Variants in CDK14 observed in about 807,000 individuals in gnomAD.
CDK14 encodes the protein cyclin dependent kinase 14.
A neutral mutation model predicts 60.7 loss-of-function variants in CDK14; 34 were observed. That is an observed-to-expected ratio of 0.56 (90% CI 0.43 to 0.75). The LOEUF (loss-of-function observed/expected upper bound fraction) is 0.75. Ranked by LOEUF, CDK14 falls within the 30% of genes least tolerant of loss-of-function variation. The pLI is 0.00. For missense variants in CDK14, 482 were observed against 564.1 expected (o/e 0.85, Z 1.47); for synonymous variants, 197 against 203.7 (o/e 0.97, Z 0.28).
intron 14 of CDK14, among the ~76,000 whole-genome samples, chr7:91,125,887 A>G (rs896664062): frequency 6.6e-6 from 1 of 152,164 alleles, no homozygotes; most frequent in Non-Finnish European, 1.5e-5. Flanking sequence ...ATCATTTTCA[A>G]TGCAATTAGT....
chr7:91,182,646 T>C (rs1562985856), intron 14 of CDK14, among the ~76,000 whole-genome samples: 3 of 152,098 alleles, frequency 2.0e-5, no homozygotes, highest in Non-Finnish European at 4.4e-5. Flanking sequence ...ATTTATGAAC[T>C]CCCCTCTCTT....
At chr7:91,095,206 G>A (rs1014538647) in intron 12 of CDK14, among the ~76,000 whole-genome samples, 9 of 152,242 alleles carry the variant, frequency 5.9e-5, no homozygotes, top group Non-Finnish European at 1.0e-4. Context: ...GCATATGAAA[G>A]CTGGGATTTT....
chr7:90,695,928 T>C (rs1335251552), intron 2 of CDK14, among the ~76,000 whole-genome samples: 2 of 152,106 alleles, frequency 1.3e-5, no homozygotes, highest in Non-Finnish European at 2.9e-5. Flanking sequence ...TCAGAAGCTC[T>C]TTGAGCTTTT....
At chr7:90,608,542 C>T in intron 2 of CDK14, 4 of 984,692 alleles carry the variant, frequency 4.1e-6, no homozygotes, top group Non-Finnish European at 4.8e-6. Flanking sequence ...TTGATGATTG[C>T]CAGAACAAAG....
chr7:91,131,879 C>A (rs1381778257), intron 14 of CDK14, among the ~76,000 whole-genome samples: 2 of 152,082 alleles, frequency 1.3e-5, no homozygotes, highest in Non-Finnish European at 2.9e-5. Context: ...CATTATATTT[C>A]CCATCTCCTC....
At chr7:91,086,935 CG>C (rs1562898566) in intron 12 of CDK14, among the ~76,000 whole-genome samples, 1 of 151,878 alleles carries the variant, frequency 6.6e-6, no homozygotes, top group Non-Finnish European at 1.5e-5. Context: ...TCGCTTTTAG[CG>C]TTTTTGTTTT....
At chr7:91,137,869 A>G (rs547898729) in intron 14 of CDK14, among the ~76,000 whole-genome samples, 3 of 152,278 alleles carry the variant, frequency 2.0e-5, no homozygotes, top group South Asian at 2.1e-4. Context: ...AGAAATTTGT[A>G]CTGTGCTGAG....
chr7:91,119,611 G>T (rs1235998291), intron 14 of CDK14, among the ~76,000 whole-genome samples: 3 of 152,204 alleles, frequency 2.0e-5, no homozygotes, highest in Non-Finnish European at 4.4e-5. Context: ...TGATAGCATG[G>T]TAAAGAGAGC....
intron 2 of CDK14, among the ~76,000 whole-genome samples, chr7:90,700,487 C>T (rs1801759386): frequency 6.6e-6 from 1 of 152,090 alleles, no homozygotes; most frequent in Admixed American, 6.5e-5. Context: ...TAATCTTCTA[C>T]CAGAGGGGAG....
intron 14 of CDK14, among the ~76,000 whole-genome samples, chr7:91,175,316 C>T (rs1289545573): frequency 2.0e-5 from 3 of 152,114 alleles, no homozygotes; most frequent in African/African-American, 4.8e-5. Flanking sequence ...AAGCACTAAA[C>T]ATGGAAAGGA....
rs368483630 is a variant in CDK14 at position 90,599,166 on chromosome 7, T to C, written c.91+2448T>C. 3.9e-5 allele frequency among the ~76,000 whole-genome samples: 6 copies of C among 152,340 alleles called. No individual in the cohort carries two copies. In the East Asian group the frequency reaches 1.2e-3, roughly 29 times the overall value. On this transcript the variant is annotated intron_variant, in intron 1 of 14. Coordinates refer to ENST00000380050, the MANE Select transcript of CDK14 (RefSeq NM_001287135.2). ...AACTTCTCTGAGCTTCAGTTTTTCA[T>C]GTACAACTCAGTTTCGTTGTTGGCT...
intron 12 of CDK14, among the ~76,000 whole-genome samples, chr7:91,106,563 G>C (rs965053609): frequency 6.6e-6 from 1 of 151,968 alleles, no homozygotes; most frequent in African/African-American, 2.4e-5. Flanking sequence ...TCCTTAAAAA[G>C]CATAGAAAAT....
chr7:90,750,984 AAAT>A (rs1311052442), intron 4 of CDK14, among the ~76,000 whole-genome samples: 1 of 152,230 alleles, frequency 6.6e-6, no homozygotes, highest in Non-Finnish European at 1.5e-5. Flanking sequence ...ACCCAGACAA[AAAT>A]AATATTTTTT....
chr7:90,619,593 A>G (rs1483774572), intron 2 of CDK14, among the ~76,000 whole-genome samples: 1 of 152,242 alleles, frequency 6.6e-6, no homozygotes, highest in Non-Finnish European at 1.5e-5. Flanking sequence ...GTCTTCAGGT[A>G]CATTGTATCG....
chr7:91,043,901 C>T (rs902781055), intron 10 of CDK14, among the ~76,000 whole-genome samples: 15 of 152,214 alleles, frequency 9.9e-5, no homozygotes, highest in Admixed American at 2.0e-4. Context: ...GCCACTCTGA[C>T]ATCACTGCCA....
intron 5 of CDK14, among the ~76,000 whole-genome samples, chr7:90,819,913 T>C (rs1789483146): frequency 6.6e-6 from 1 of 152,200 alleles, no homozygotes; most frequent in Non-Finnish European, 1.5e-5. Context: ...TTAAAGGTTA[T>C]CAGTTACCTT....
chr7:91,112,461 A>G, intron 12 of CDK14, 81 bp from the exon 13 acceptor site: 1 of 1,461,370 alleles, frequency 6.8e-7, no homozygotes, highest in South Asian at 1.3e-5. Context: ...ATTGAAATCC[A>G]GAAAAATTAG....
intron 1 of CDK14, among the ~76,000 whole-genome samples, chr7:90,596,919 G>C (rs2116293061): frequency 6.6e-6 from 1 of 152,262 alleles, no homozygotes; most frequent in East Asian, 1.9e-4. Context: ...CAGGATCTGG[G>C]GGTTCATTTG....
rs1359718358 is a variant in CDK14 at position 90,746,398 on chromosome 7, A to T, written c.370-1283A>T. 1.3e-5 allele frequency among the ~76,000 whole-genome samples: 2 copies of T among 152,216 alleles called. 1 individual carries two copies. The highest frequency in any genetic ancestry group is 4.1e-4 in the South Asian group (2 of 4,836). Reference sequence around the variant, plus strand: ...CATATTGTGTGTTTTTTGATAAGTGATACAGGTGTATATTCAAAAGTAGTG... The same window carrying T: ...CATATTGTGTGTTTTTTGATAAGTGTTACAGGTGTATATTCAAAAGTAGTG... On this transcript the variant is annotated intron_variant, in intron 3 of 14. Coordinates refer to ENST00000380050, the MANE Select transcript of CDK14 (RefSeq NM_001287135.2).
Sources: allele counts gnomAD v4.1 joint callset (sites outside exome capture counted in the v4.1 genomes callset), GRCh38; gene constraint gnomAD v4.1.1; transcripts MANE v1.5; gene names NCBI Gene and HGNC (gene_info 2026-07-23, HGNC 2026-07-21).